Variants in CACNA1E observed in about 807,000 individuals in gnomAD.
The protein encoded by CACNA1E is calcium voltage-gated channel subunit alpha1 E, also known as voltage-dependent R-type calcium channel subunit alpha-1E.
Under a neutral mutation model 259.2 loss-of-function variants are expected in CACNA1E, and 40 were observed. The observed-to-expected ratio is 0.15, with a 90% CI of 0.12 to 0.20. The LOEUF is 0.20. CACNA1E is among the 10% of genes least tolerant of loss of function. CACNA1E has a pLI of 1.00. For synonymous variants in CACNA1E, 1,104 were observed against 1,138.5 expected (o/e 0.97, Z 0.61); for missense variants, 1,874 against 3,040.1 (o/e 0.62, Z 9.02).
At chr1:181,516,294 C>T (rs949634146) in intron 3 of CACNA1E, among the ~76,000 whole-genome samples, 9 of 148,720 alleles carry the variant, frequency 6.1e-5, no homozygotes, top group Middle Eastern at 3.4e-3. Context: ...CATCACCTAG[C>T]GTTTACCATA....
intron 39 of CACNA1E, 56 bp from the exon 40 acceptor site, chr1:181,783,623 A>T: frequency 2.1e-6 from 2 of 953,548 alleles, no homozygotes; most frequent in Non-Finnish European, 1.7e-6. Flanking sequence ...TCTCACTGAG[A>T]TGTCTTTCAA....
chr1:181,424,638 C>A (rs1482458527), intron 2 of CACNA1E, among the ~76,000 whole-genome samples: 2 of 152,250 alleles, frequency 1.3e-5, no homozygotes, highest in Non-Finnish European at 2.9e-5. Context: ...CTCTCTGCCA[C>A]TCCCTTTCTC....
intron 1 of CACNA1E, among the ~76,000 whole-genome samples, chr1:181,327,237 C>T (rs1424361078): frequency 6.6e-6 from 1 of 152,188 alleles, no homozygotes; most frequent in African/African-American, 2.4e-5. Flanking sequence ...CCCTTTGTTG[C>T]AGTACAATCT....
chr1:181,491,161 T>C (rs1033048826), intron 1 of CACNA1E, among the ~76,000 whole-genome samples: 1 of 152,210 alleles, frequency 6.6e-6, no homozygotes, highest in Non-Finnish European at 1.5e-5. Context: ...AGCTGTGTTC[T>C]CCTGGGAACT....
rs187500149 is a variant in CACNA1E, at chr1:181,782,879, G to A, written c.5365-800G>A. Among the ~76,000 whole-genome samples the A allele has an allele frequency of 2.9e-3, 446 of 152,266 alleles. 2 individuals are homozygous for A. Among genetic ancestry groups the A allele is most frequent in the Non-Finnish European group, 4.4e-3 (296 of 68,024 alleles). ...TGAAGCTTGGTGGGAGAAGGGGAGC[G>A]GGGATTGGAGGAAAAGTTAAAGAGC... On this transcript the variant is annotated intron_variant, in intron 39 of 47. Coordinates refer to ENST00000367573, the MANE Select transcript of CACNA1E (RefSeq NM_001205293.3).
At chr1:181,785,286 T>G (rs1232768924) in intron 41 of CACNA1E, 32 bp from the exon 42 acceptor site, 1 of 1,290,754 alleles carries the variant, frequency 7.7e-7, no homozygotes, top group Non-Finnish European at 1.1e-6. Flanking sequence ...ATCTACTCCC[T>G]GTTCACCATC....
At chr1:181,703,902 G>GT (rs1652529410) in intron 7 of CACNA1E, among the ~76,000 whole-genome samples, 1 of 152,180 alleles carries the variant, frequency 6.6e-6, no homozygotes, top group South Asian at 2.1e-4. Flanking sequence ...TGGACATAAG[G>GT]TGGTGGAGTA....
At chr1:181,691,374 T>G (rs1201616399) in intron 7 of CACNA1E, among the ~76,000 whole-genome samples, 1 of 152,048 alleles carries the variant, frequency 6.6e-6, no homozygotes, top group Non-Finnish European at 1.5e-5. Flanking sequence ...AACCTATCTT[T>G]GAAATTTAAA....
chr1:181,750,921 A>G (rs1657536581), intron 26 of CACNA1E, among the ~76,000 whole-genome samples: 1 of 151,004 alleles, frequency 6.6e-6, no homozygotes, highest in Admixed American at 6.6e-5. Context: ...ATTCGATTAA[A>G]TATCTTTTGG....
chr1:181,712,467 A>G (rs1231003615), intron 8 of CACNA1E, among the ~76,000 whole-genome samples: 3 of 152,152 alleles, frequency 2.0e-5, no homozygotes, highest in Admixed American at 1.3e-4. Context: ...GAATGACACT[A>G]TAACACTTAC....
At chr1:181,372,294 C>T (rs1186564598) in intron 1 of CACNA1E, among the ~76,000 whole-genome samples, 1 of 152,028 alleles carries the variant, frequency 6.6e-6, no homozygotes, top group Non-Finnish European at 1.5e-5. Flanking sequence ...GTGTAGTTCT[C>T]ATTGTAGTGA....
chr1:181,391,875 T>C (rs1443742555), intron 1 of CACNA1E, among the ~76,000 whole-genome samples: 2 of 152,090 alleles, frequency 1.3e-5, no homozygotes, highest in East Asian at 3.9e-4. Flanking sequence ...GGTCTGCCAC[T>C]CCAGATCTTC....
chr1:181,429,441 C>T (rs1415236392), intron 2 of CACNA1E, among the ~76,000 whole-genome samples: 1 of 152,214 alleles, frequency 6.6e-6, no homozygotes, highest in Non-Finnish European at 1.5e-5. Flanking sequence ...GTCTTTCCTA[C>T]TTTGAGCCCT....
intron 3 of CACNA1E, among the ~76,000 whole-genome samples, chr1:181,559,937 G>A (rs1364691395): frequency 6.6e-6 from 1 of 152,218 alleles, no homozygotes; most frequent in African/African-American, 2.4e-5. Flanking sequence ...TGAGAAAAAG[G>A]GTCACCAGCT....
rs1662193173 is a variant in CACNA1E at position 181,800,491 on chromosome 1, G to A, written c.*1657G>A. 6.6e-6 allele frequency: 1 copy of A among 152,610 alleles called. No individual in the cohort carries two copies. Among genetic ancestry groups the A allele is most frequent in the African/African-American group, 2.4e-5 (1 of 41,444 alleles). The allele number at this position is 152,610 out of a possible 1,614,324, so 9.5% of individuals were successfully genotyped here. A position where few individuals can be genotyped will look rare whatever the true frequency, so the allele number is the denominator to read the frequency against. On this transcript the variant is annotated 3_prime_UTR_variant, in exon 48 of 48. Transcript: ENST00000367573. Reference sequence around the variant, plus strand: ...GGGGACACATCACTGGCTTTATCTGGTGGAAATGTACCTTTCCCTTAAGTT... The same window carrying A: ...GGGGACACATCACTGGCTTTATCTGATGGAAATGTACCTTTCCCTTAAGTT...
intron 1 of CACNA1E, among the ~76,000 whole-genome samples, chr1:181,359,014 GT>G (rs1653658802): frequency 3.9e-5 from 6 of 152,188 alleles, no homozygotes; most frequent in Admixed American, 3.9e-4. Context: ...GGTATGCTAT[GT>G]TTGATCAGTG....
intron 3 of CACNA1E, among the ~76,000 whole-genome samples, chr1:181,569,130 C>A (rs1650144764): frequency 6.6e-6 from 1 of 152,234 alleles, no homozygotes; most frequent in Admixed American, 6.5e-5. Context: ...CCTTCCCTGA[C>A]CTTTCGCTTA....
intron 29 of CACNA1E, 139 bp downstream of exon 29, chr1:181,756,232 G>A: frequency 1.3e-6 from 1 of 760,176 alleles, no homozygotes; most frequent in African/African-American, 1.8e-5. Flanking sequence ...GGTGACACAG[G>A]CAGAAAAGAG....
At position 181,487,075 on chromosome 1, in the gene CACNA1E, T is replaced by C. The variant is rs536827001; in HGVS notation, c.266+3065T>C. Among the ~76,000 whole-genome samples, 7 of 152,178 alleles carry C rather than the reference T, an allele frequency of 4.6e-5. No individual in the cohort carries two copies. In the South Asian group the frequency reaches 1.5e-3, roughly 32 times the overall value. ...AGGTTGTTCAGTTGTTCAGAAAACA[T>C]GTCAAGACCTGCTTTCATATTGACA... is the stretch of plus-strand genomic sequence containing the variant. On this transcript the variant is annotated intron_variant, in intron 1 of 47. Coordinates refer to ENST00000367573, the MANE Select transcript of CACNA1E (RefSeq NM_001205293.3).
Sources: gnomAD v4.1 joint callset for allele counts (sites outside exome capture counted in the v4.1 genomes callset) on GRCh38, gnomAD v4.1.1 for gene constraint, MANE v1.5 for transcripts, NCBI Gene and HGNC (gene_info 2026-07-23, HGNC 2026-07-21) for gene names.